Variants in SPTLC3 observed in about 807,000 individuals in gnomAD.
The protein encoded by SPTLC3 is serine palmitoyltransferase 3.
Under a neutral mutation model 59.3 loss-of-function variants are expected in SPTLC3, and 36 were observed. That is an observed-to-expected ratio of 0.61 (90% CI 0.47 to 0.80). SPTLC3 has a LOEUF of 0.80. Among genes scored for constraint, SPTLC3 ranks in the 30% least tolerant of loss-of-function variants. SPTLC3 has a pLI of 0.00. For synonymous variants in SPTLC3, 257 were observed against 240.8 expected, an observed-to-expected ratio of 1.07 and a Z score of -0.62; for missense variants, 625 against 685.1, an observed-to-expected ratio of 0.91 and a Z score of 0.98.
At chr20:13,045,331 G>A (rs903298060) in intron 1 of SPTLC3, among the ~76,000 whole-genome samples, 2 of 152,174 alleles carry the variant, frequency 1.3e-5, no homozygotes, top group African/African-American at 4.8e-5. Flanking sequence ...ACAAGCCAAA[G>A]TGTATTACAA....
intron 9 of SPTLC3, among the ~76,000 whole-genome samples, chr20:13,129,589 C>G (rs980189659): frequency 6.6e-6 from 1 of 152,232 alleles, no homozygotes; most frequent in Non-Finnish European, 1.5e-5. Flanking sequence ...TAGCTTGTGT[C>G]TCAACAAAAA....
chr20:13,060,434 C>A (rs1987922058), intron 2 of SPTLC3, among the ~76,000 whole-genome samples: 1 of 148,650 alleles, frequency 6.7e-6, no homozygotes, highest in South Asian at 2.1e-4. Flanking sequence ...GATTGTCCTA[C>A]TTTATTTATT....
Position 13,074,467 on chromosome 20 carries a change from A to C in SPTLC3, c.577A>C (p.Thr193Pro). 1 of 1,614,046 alleles carries C rather than the reference A, an allele frequency of 6.2e-7. No homozygotes were observed. Among genetic ancestry groups the C allele is most frequent in the Non-Finnish European group, 8.5e-7 (1 of 1,179,914 alleles). ...AAAGGATGTTTTAGAGGTGTATGGC[A>C]CAGGCGTGGCCAGCACCAGGCATGA... ...TIKDVLEVYG[T>P]GVASTRHEMG... is the part of the protein sequence containing the mutation. The change falls in exon 4 of 12, where the codon ACA becomes CCA. Residue 193 changes from threonine (T) to proline (P), a missense_variant. By Grantham distance (38) the Thr-to-Pro change is conservative (BLOSUM62 -1). Coordinates refer to ENST00000399002, the MANE Select transcript of SPTLC3 (RefSeq NM_018327.4).
chr20:13,162,043 A>G (rs2038904962), intron 11 of SPTLC3, among the ~76,000 whole-genome samples: 1 of 152,222 alleles, frequency 6.6e-6, no homozygotes, highest in Non-Finnish European at 1.5e-5. Flanking sequence ...GTATTTCCAG[A>G]ATGTGAATTT....
At chr20:13,121,892 CA>C (rs1363079710) in intron 8 of SPTLC3, among the ~76,000 whole-genome samples, 2 of 152,172 alleles carry the variant, frequency 1.3e-5, no homozygotes, top group Non-Finnish European at 2.9e-5. Flanking sequence ...GGTATTTATT[CA>C]AACTAAGAAG....
At chr20:13,065,817 C>T (rs1988182926) in intron 2 of SPTLC3, among the ~76,000 whole-genome samples, 1 of 98,266 alleles carries the variant, frequency 1.0e-5, no homozygotes, top group Admixed American at 1.0e-4. Flanking sequence ...TTATAGTGTA[C>T]AATATGATGC....
At chr20:13,087,701 C>T (rs1332274542) in intron 4 of SPTLC3, among the ~76,000 whole-genome samples, 1 of 152,180 alleles carries the variant, frequency 6.6e-6, no homozygotes, top group African/African-American at 2.4e-5. Flanking sequence ...ATCTATGATA[C>T]TATTGTCAGT....
chr20:13,032,684 A>G (rs1398530060), intron 1 of SPTLC3, among the ~76,000 whole-genome samples: 1 of 151,472 alleles, frequency 6.6e-6, no homozygotes, highest in Non-Finnish European at 1.5e-5. Flanking sequence ...TTCACTAAAC[A>G]CTCTGCTGGG....
At chr20:13,111,457 C>T (rs769785464) in intron 7 of SPTLC3, among the ~76,000 whole-genome samples, 1 of 152,188 alleles carries the variant, frequency 6.6e-6, no homozygotes, top group Admixed American at 6.5e-5. Flanking sequence ...AAGCATCCTA[C>T]GATGCATGGG....
chr20:13,160,048 C>G lies in SPTLC3; in HGVS notation c.1461C>G (p.Val487=). 6.2e-7 allele frequency: 1 copy of G among 1,612,700 alleles called. No individual in the cohort carries two copies. Among genetic ancestry groups the G allele is most frequent in the Non-Finnish European group, 8.5e-7 (1 of 1,179,750 alleles). ...HMLEKKIGVV[V]VGFPATPLAE... ...TAGAGAAAAAAATTGGAGTGGTGGT[C>G]GTGGGATTTCCAGCCACTCCCCTCG... Residue 487 remains valine (V), a synonymous_variant, in exon 11 of 12, where the codon GTC becomes GTG. Coordinates refer to ENST00000399002, the MANE Select transcript of SPTLC3 (RefSeq NM_018327.4).
chr20:13,072,270 G>A lies in SPTLC3; in HGVS notation c.318G>A (p.Leu106=), dbSNP rs764824885. The A allele has an allele frequency of 1.2e-6, 2 of 1,613,076 alleles. No homozygotes were observed. The highest frequency in any genetic ancestry group is 2.2e-5 in the South Asian group (2 of 90,866). ...TGTTCTAACAGGATTTTGTGCCACT[G>A]TATCAAGACTTTGAAAATTTTTATA... ...ERKEQKDFVP[L]YQDFENFYTR... Residue 106 remains leucine, a synonymous_variant, in exon 3 of 12, where the codon CTG becomes CTA. Transcript: ENST00000399002.
chr20:13,095,808 T>A (rs896395606), intron 6 of SPTLC3, among the ~76,000 whole-genome samples: 2 of 152,152 alleles, frequency 1.3e-5, no homozygotes, highest in Non-Finnish European at 2.9e-5. Context: ...TTATCCTCAC[T>A]CTTCCTCTCT....
At position 13,027,457 on chromosome 20, in the gene SPTLC3, T is replaced by A. The variant is rs6105023; in HGVS notation, c.117+18073T>A. On this transcript the variant is annotated intron_variant, in intron 1 of 11. Coordinates refer to ENST00000399002, the MANE Select transcript of SPTLC3 (RefSeq NM_018327.4). ...CATAGATAATAGAGACAGAGCTGGA[T>A]AATATTATAATGCCAGACACAGACA... is the stretch of plus-strand genomic sequence containing the variant. 5.8e-3 allele frequency among the ~76,000 whole-genome samples: 883 copies of A among 151,564 alleles called. 11 individuals carry two copies. Among genetic ancestry groups the A allele is most frequent in the African/African-American group, 0.02 (845 of 41,314 alleles).
At chr20:13,033,699 A>T (rs1334039934) in intron 1 of SPTLC3, among the ~76,000 whole-genome samples, 1 of 152,194 alleles carries the variant, frequency 6.6e-6, no homozygotes, top group Non-Finnish European at 1.5e-5. Context: ...GGAAGCTATT[A>T]TTTTTGCAAG....
At chr20:13,064,271 CTT>C (rs33973192) in intron 2 of SPTLC3, among the ~76,000 whole-genome samples, 57,941 of 137,148 alleles carry the variant, frequency 0.42, 12,009 homozygotes, top group Middle Eastern at 0.54. Flanking sequence ...TTTTCCTTTT[CTT>C]TTTTTTTTTT....
In SPTLC3 at chr20:13,164,793, C is replaced by G; in HGVS notation, c.1585C>G (p.Leu529Val). The G allele has an allele frequency of 6.2e-7, 1 of 1,613,826 alleles. No homozygotes were observed. Among genetic ancestry groups the G allele is most frequent in the Non-Finnish European group, 8.5e-7 (1 of 1,179,878 alleles). Reference sequence around the variant, plus strand: ...TGATGAAATGGGTGATCTCTTGCAACTGAAATATTCCCGGCACAAGAAGTC... The same window carrying G: ...TGATGAAATGGGTGATCTCTTGCAAGTGAAATATTCCCGGCACAAGAAGTC... Reference protein sequence around the residue: ...ALDEMGDLLQLKYSRHKKSAR... With the variant: ...ALDEMGDLLQVKYSRHKKSAR... Residue 529 changes from leucine (L) to valine (V), a missense_variant, in exon 12 of 12, where the codon CTG becomes GTG. Coordinates refer to ENST00000399002, the MANE Select transcript of SPTLC3 (RefSeq NM_018327.4).
intron 1 of SPTLC3, among the ~76,000 whole-genome samples, chr20:13,011,799 A>T (rs1043657651): frequency 6.6e-6 from 1 of 151,492 alleles, no homozygotes; most frequent in African/African-American, 2.4e-5. Flanking sequence ...TTCATCACTG[A>T]CTAAGTCCAT....
chr20:13,071,701 T>C (rs1291426516), intron 2 of SPTLC3, among the ~76,000 whole-genome samples: 1 of 152,212 alleles, frequency 6.6e-6, no homozygotes, highest in Non-Finnish European at 1.5e-5. Context: ...CCTTTGGTCA[T>C]GGATTACACT....
intron 1 of SPTLC3, among the ~76,000 whole-genome samples, chr20:13,027,841 C>A (rs1226313802): frequency 1.3e-5 from 2 of 152,144 alleles, no homozygotes; most frequent in Non-Finnish European, 2.9e-5. Flanking sequence ...TTTTACATGG[C>A]ATATCAGATA....
Sources: gnomAD v4.1 joint callset for allele counts (sites outside exome capture counted in the v4.1 genomes callset) on GRCh38, gnomAD v4.1.1 for gene constraint, MANE v1.5 for transcripts, NCBI Gene and HGNC (gene_info 2026-07-23, HGNC 2026-07-21) for gene names.